Variants in IGF2BP2 observed in about 807,000 individuals in gnomAD.
IGF2BP2 encodes insulin like growth factor 2 mRNA binding protein 2, also known as insulin-like growth factor 2 mRNA-binding protein 2.
In IGF2BP2, 17 loss-of-function variants were observed where a neutral mutation model predicts 75.8. That is an observed-to-expected ratio of 0.22 (90% CI 0.15 to 0.34). The LOEUF (loss-of-function observed/expected upper bound fraction) is 0.34, where lower values mean the gene tolerates loss of function less well. Ranked by LOEUF, IGF2BP2 falls within the 10% of genes least tolerant of loss-of-function variation. The pLI is 1.00. For synonymous variants in IGF2BP2, 288 were observed against 295.6 expected (o/e 0.97, Z 0.26); for missense variants, 516 against 772.4 (o/e 0.67, Z 3.93).
chr3:185,675,088 C>A (rs1719124441), intron 9 of IGF2BP2: 3 of 292,622 alleles, frequency 1.0e-5, no homozygotes, highest in Non-Finnish European at 1.8e-5. Flanking sequence ...TTTCAGTCTT[C>A]AAAGTTATAA....
Position 185,779,414 on chromosome 3 carries a change from A to G in IGF2BP2, c.239+43739T>C, listed in dbSNP as rs545952500. On this transcript the variant is annotated intron_variant, in intron 2 of 15. Coordinates refer to ENST00000382199, the MANE Select transcript of IGF2BP2 (RefSeq NM_006548.6). Reference sequence around the variant, plus strand: ...TTTGCCATAAATGTTCACAGTATCTAACTTTAAAGGTCAAGATGACTGGGG... The same window carrying G: ...TTTGCCATAAATGTTCACAGTATCTGACTTTAAAGGTCAAGATGACTGGGG... Among the ~76,000 whole-genome samples, 56 of 152,284 alleles carry G rather than the reference A, an allele frequency of 3.7e-4. 1 individual carries two copies. The highest frequency in any genetic ancestry group is 1.2e-3 in the African/African-American group (51 of 41,554).
chr3:185,722,008 G>GTT (rs1167001282), intron 2 of IGF2BP2: 19 of 238,494 alleles, frequency 8.0e-5, no homozygotes, highest in South Asian at 2.6e-4. Context: ...GCAAGTACTT[G>GTT]TTTTTTTTTT....
At chr3:185,752,066 C>T (rs1375950112) in intron 2 of IGF2BP2, among the ~76,000 whole-genome samples, 1 of 152,162 alleles carries the variant, frequency 6.6e-6, no homozygotes, top group Admixed American at 6.5e-5. Context: ...CTGCAATCTT[C>T]TTCACTTAGT....
rs893696579 is a variant in IGF2BP2, at chr3:185,645,309, C to T, written c.*222G>A. The T allele has an allele frequency of 4.9e-5, 27 of 554,086 alleles. No individual in the cohort carries two copies. Among genetic ancestry groups the T allele is most frequent in the Non-Finnish European group, 7.4e-5 (23 of 310,332 alleles). 34.3% of individuals were successfully genotyped at this position (554,086 alleles called of 1,614,324 possible). A position where few individuals can be genotyped will look rare whatever the true frequency, so the allele number is the denominator to read the frequency against. ...TGCAGAAGCCCTGGGGGGCGGGAGG[C>T]GGGGCTCGGTGGTTCTGGCAAACCT... On this transcript the variant is annotated 3_prime_UTR_variant, in exon 16 of 16. Coordinates refer to ENST00000382199, the MANE Select transcript of IGF2BP2 (RefSeq NM_006548.6). This position sits in a 1 kb window ranked among gnomAD's most constrained non-coding sequence, Gnocchi z 4.9.
intron 2 of IGF2BP2, chr3:185,728,419 G>A (rs1244346563): frequency 6.6e-6 from 1 of 152,094 alleles, no homozygotes; most frequent in African/African-American, 2.4e-5. Flanking sequence ...TTGTGTTTTT[G>A]TTTTTTAACT....
At chr3:185,742,932 C>A (rs1729766874) in intron 2 of IGF2BP2, among the ~76,000 whole-genome samples, 1 of 152,008 alleles carries the variant, frequency 6.6e-6, no homozygotes. Context: ...AACCCCGTCT[C>A]TACTAAAAAT....
intron 5 of IGF2BP2, 25 bp from the exon 6 acceptor site, chr3:185,689,652 C>T (rs2149320429): frequency 3.1e-6 from 5 of 1,613,836 alleles, no homozygotes; most frequent in Non-Finnish European, 4.2e-6. Flanking sequence ...GACAGGGGAG[C>T]TTCGTCAGAA....
intron 2 of IGF2BP2, among the ~76,000 whole-genome samples, chr3:185,774,032 T>G (rs1026524055): frequency 6.6e-6 from 1 of 151,866 alleles, no homozygotes; most frequent in African/African-American, 2.4e-5. Context: ...CTGGCTGGAG[T>G]GAGAGCTGCC....
intron 2 of IGF2BP2, among the ~76,000 whole-genome samples, chr3:185,720,809 G>T (rs1726412382): frequency 6.6e-6 from 1 of 152,238 alleles, no homozygotes; most frequent in Non-Finnish European, 1.5e-5. Context: ...TGAGCTGCAT[G>T]TGAGGGCTGG....
chr3:185,774,959 G>A (rs1052390373), intron 2 of IGF2BP2, among the ~76,000 whole-genome samples: 8 of 151,866 alleles, frequency 5.3e-5, no homozygotes, highest in African/African-American at 1.7e-4. Context: ...GGCGGGGCTT[G>A]CAGTGAGCCC....
At chr3:185,742,263 G>A (rs1268115967) in intron 2 of IGF2BP2, among the ~76,000 whole-genome samples, 1 of 151,930 alleles carries the variant, frequency 6.6e-6, no homozygotes, top group African/African-American at 2.4e-5. Flanking sequence ...AGAGGCCAAG[G>A]CAAGTGGATT....
chr3:185,794,658 A>T (rs1477170246), intron 2 of IGF2BP2, among the ~76,000 whole-genome samples: 14 of 69,960 alleles, frequency 2.0e-4, no homozygotes, highest in Non-Finnish European at 2.9e-4. Flanking sequence ...CATTGTGATA[A>T]AAAAAAAACC....
intron 2 of IGF2BP2, among the ~76,000 whole-genome samples, chr3:185,796,564 CAAAAAAAAAAAA>C (rs60331633): frequency 1.4e-5 from 1 of 71,802 alleles, no homozygotes; most frequent in Non-Finnish European, 2.8e-5. Context: ...CATTCCGTCT[CAAAAAAAAAAAA>C]AAAAAAAAAA....
intron 2 of IGF2BP2, among the ~76,000 whole-genome samples, chr3:185,775,863 C>T (rs1734469789): frequency 6.6e-6 from 1 of 152,120 alleles, no homozygotes; most frequent in African/African-American, 2.4e-5. Flanking sequence ...CTTCTCAATC[C>T]CTACCCTAGA....
chr3:185,715,650 T>C lies in IGF2BP2; in HGVS notation c.240-17303A>G, dbSNP rs187804445. Among the ~76,000 whole-genome samples, 124 of 152,000 alleles carry C rather than the reference T, an allele frequency of 8.2e-4. 1 individual carries two copies. Among genetic ancestry groups the C allele is most frequent in the Non-Finnish European group, 1.3e-3 (85 of 67,906 alleles). The stretch of plus-strand genomic sequence containing the variant: ...TCATTTCTTTTTTTCTTTCTTTCTT[T>C]CTTTTTTTTTGAGATGGAGTTTCAT... On this transcript the variant is annotated intron_variant, in intron 2 of 15. Transcript: ENST00000382199.
chr3:185,643,779 C>CTTTTTTTTTTTTTT lies in IGF2BP2; in HGVS notation c.*1738_*1751dup, dbSNP rs933340628. 12 of 111,972 alleles carry CTTTTTTTTTTTTTT rather than the reference C, an allele frequency of 1.1e-4. No individual in the cohort carries two copies. The highest frequency in any genetic ancestry group is 1.6e-4 in the Non-Finnish European group (9 of 56,614). 6.9% of individuals were successfully genotyped at this position (111,972 alleles called of 1,614,324 possible). The stretch of plus-strand genomic sequence containing the variant: ...ATATTTCTGTTTTTTCTTTTTTTTT[C>CTTTTTTTTTTTTTT]TTTTTTTTTTTTTTTTTTTTGTCAC... On this transcript the variant is annotated 3_prime_UTR_variant, in exon 16 of 16. Coordinates refer to ENST00000382199, the MANE Select transcript of IGF2BP2 (RefSeq NM_006548.6).
At chr3:185,654,388 T>C (rs897982530) in intron 12 of IGF2BP2, among the ~76,000 whole-genome samples, 4 of 152,210 alleles carry the variant, frequency 2.6e-5, no homozygotes, top group African/African-American at 7.2e-5. Flanking sequence ...ACCTGGTCCT[T>C]ATCTCTGAGT....
At position 185,686,316 on chromosome 3, in the gene IGF2BP2, G is replaced by A. The variant is rs112806986; in HGVS notation, c.812+741C>T. Among the ~76,000 whole-genome samples the A allele has an allele frequency of 7.0e-3, 1,062 of 152,036 alleles. 11 individuals are homozygous for A. Among genetic ancestry groups the A allele is most frequent in the Non-Finnish European group, 0.012 (829 of 67,988 alleles). Reference sequence around the variant, plus strand: ...GGAGAATCACTTGAACCCAAGAGGCGGAGGTTGCCGTGAGACAAGATTGCA... The same window carrying A: ...GGAGAATCACTTGAACCCAAGAGGCAGAGGTTGCCGTGAGACAAGATTGCA... On this transcript the variant is annotated intron_variant, in intron 7 of 15. Transcript: ENST00000382199.
At chr3:185,728,518 C>A (rs1423965302) in intron 2 of IGF2BP2, 1 of 152,210 alleles carries the variant, frequency 6.6e-6, no homozygotes, top group East Asian at 1.9e-4. Context: ...GAGACAGCTT[C>A]AAGGCAAGCA....
Sources: allele counts gnomAD v4.1 joint callset (sites outside exome capture counted in the v4.1 genomes callset), GRCh38; gene constraint gnomAD v4.1.1; non-coding constraint Gnocchi (gnomAD v3.1); transcripts MANE v1.5; gene names NCBI Gene and HGNC (gene_info 2026-07-23, HGNC 2026-07-21).